PHF20L1: variants seen among roughly 807,000 people sequenced by gnomAD.
PHF20L1 encodes the protein PHD finger protein 20 like 1.
Under a neutral mutation model 125.5 loss-of-function variants are expected in PHF20L1, and 44 were observed. The observed-to-expected ratio is 0.35, with a 90% confidence interval of 0.28 to 0.45. PHF20L1 has a LOEUF of 0.45. Ranked by LOEUF, PHF20L1 falls within the 20% of genes least tolerant of loss-of-function variation. The pLI is 1.00. For missense variants in PHF20L1, 1,012 were observed against 1,217.2 expected, an observed-to-expected ratio of 0.83 and a Z score of 2.51; for synonymous variants, 380 against 403.1, an observed-to-expected ratio of 0.94 and a Z score of 0.69.
Position 132,805,387 on chromosome 8 carries a change from G to T in PHF20L1, c.847+647G>T, listed in dbSNP as rs184837340. ...GCCTGGTTCGTGTTCATGGAAGAGG[G>T]GATTGAAGGATTAGAATTGGGGCCA... On this transcript the variant is annotated intron_variant, in intron 8 of 20. Coordinates refer to ENST00000395386, the MANE Select transcript of PHF20L1 (RefSeq NM_016018.5). 1.3e-3 allele frequency among the ~76,000 whole-genome samples: 199 copies of T among 151,938 alleles called. 1 individual carries two copies. Among genetic ancestry groups the T allele is most frequent in the Admixed American group, 0.012 (185 of 15,204 alleles).
intron 12 of PHF20L1, among the ~76,000 whole-genome samples, chr8:132,821,703 T>C (rs1248401724): frequency 6.6e-6 from 1 of 151,884 alleles, no homozygotes; most frequent in Non-Finnish European, 1.5e-5. Flanking sequence ...GCTTGAGAAA[T>C]CACTCTACAT....
chr8:132,818,518 T>C (rs1835222205), intron 12 of PHF20L1: 1 of 152,062 alleles, frequency 6.6e-6, no homozygotes, highest in African/African-American at 2.4e-5. Flanking sequence ...AAGAGACATA[T>C]ACTTATTTTT....
At chr8:132,804,330 G>GT (rs200014476) in intron 7 of PHF20L1, among the ~76,000 whole-genome samples, 2,840 of 151,622 alleles carry the variant, frequency 0.019, 88 homozygotes, top group African/African-American at 0.066. Flanking sequence ...TTTGTTTTGT[G>GT]TTTTTTCTTC....
intron 12 of PHF20L1, among the ~76,000 whole-genome samples, chr8:132,822,378 C>T (rs1835702748): frequency 6.6e-6 from 1 of 152,022 alleles, no homozygotes; most frequent in Non-Finnish European, 1.5e-5. Context: ...CTCCCTGTCC[C>T]CACTCCAGGA....
intron 2 of PHF20L1, among the ~76,000 whole-genome samples, chr8:132,787,838 A>G (rs1448683600): frequency 1.3e-5 from 2 of 152,116 alleles, no homozygotes; most frequent in African/African-American, 4.8e-5. Flanking sequence ...ACTAGGATAC[A>G]AGAATATTTT....
At position 132,846,187 on chromosome 8, in the gene PHF20L1, C is replaced by G. The variant is rs1380198829; in HGVS notation, c.*264C>G. ...ACAATGAAGTAGAATATAATGTATA[C>G]TAAGGGATTTCAAGTTCTCAGAATT... On this transcript the variant is annotated 3_prime_UTR_variant, in exon 21 of 21. Coordinates refer to ENST00000395386, the MANE Select transcript of PHF20L1 (RefSeq NM_016018.5). 3.6e-6 allele frequency: 1 copy of G among 278,792 alleles called. No homozygotes were observed. Among genetic ancestry groups the G allele is most frequent in the Non-Finnish European group, 6.7e-6 (1 of 148,588 alleles). The allele number at this position is 278,792 out of a possible 1,614,324, so 17.3% of individuals were successfully genotyped here.
chr8:132,782,734 G>GT (rs1488091392), intron 2 of PHF20L1, among the ~76,000 whole-genome samples: 1 of 151,688 alleles, frequency 6.6e-6, no homozygotes, highest in Admixed American at 6.6e-5. Context: ...GACTACAGGC[G>GT]TATGCCATAG....
rs372546592 is a variant in PHF20L1, at chr8:132,847,352, TAAG to T, written c.*1431_*1433del. ...TTTTTTAAAAGGGGAGAAAGACTGT[TAAG>T]AGGAGGCTATTTGATGACATAACAC... On this transcript the variant is annotated 3_prime_UTR_variant, in exon 21 of 21. Transcript: ENST00000395386. The T allele has an allele frequency of 5.2e-4, 80 of 152,696 alleles. 1 individual carries two copies. In the East Asian group the frequency reaches 0.011, roughly 21 times the overall value. 9.5% of individuals were successfully genotyped at this position (152,696 alleles called of 1,614,324 possible).
chr8:132,847,157 A>G lies in PHF20L1; in HGVS notation c.*1234A>G, dbSNP rs1034868890. 2 of 152,620 alleles carry G rather than the reference A, an allele frequency of 1.3e-5. No homozygotes were observed. The highest frequency in any genetic ancestry group is 2.9e-5 in the Non-Finnish European group (2 of 68,018). 9.5% of individuals were successfully genotyped at this position (152,620 alleles called of 1,614,324 possible). On this transcript the variant is annotated 3_prime_UTR_variant, in exon 21 of 21. Coordinates refer to ENST00000395386, the MANE Select transcript of PHF20L1 (RefSeq NM_016018.5). The stretch of plus-strand genomic sequence containing the variant: ...CATACGCAGGTATGCGTAAGTGTGT[A>G]TGCTTGTTTTAAACAAACACTCAAC...
chr8:132,836,317 A>G, intron 15 of PHF20L1: 1 of 364,090 alleles, frequency 2.7e-6, no homozygotes, highest in Non-Finnish European at 4.9e-6. Flanking sequence ...AGTTACTTAT[A>G]ATAGTGTATA....
At chr8:132,826,021 C>T (rs1354297162) in intron 14 of PHF20L1, among the ~76,000 whole-genome samples, 1 of 152,018 alleles carries the variant, frequency 6.6e-6, no homozygotes, top group African/African-American at 2.4e-5. Context: ...AACACAACTC[C>T]AAATTTATTT....
In PHF20L1 at chr8:132,804,676, C is replaced by G; in HGVS notation, c.783C>G (p.Asn261Lys). 1 of 1,608,624 alleles carries G rather than the reference C, an allele frequency of 6.2e-7. No homozygotes were observed. Among genetic ancestry groups the G allele is most frequent in the South Asian group, 1.1e-5 (1 of 90,850 alleles). ...VFPQPESTLS[N>K]KRKNNQGNSF... ...CACAGCCAGAGAGCACATTATCAAA[C>G]AAGAGGAAAAATAATCAAGGCAACT... Residue 261 changes from asparagine (N) to lysine (K), a missense_variant, in exon 8 of 21, where the codon AAC becomes AAG. Coordinates refer to ENST00000395386, the MANE Select transcript of PHF20L1 (RefSeq NM_016018.5).
chr8:132,781,203 A>T (rs538526879), intron 2 of PHF20L1, among the ~76,000 whole-genome samples: 3 of 152,196 alleles, frequency 2.0e-5, no homozygotes, highest in South Asian at 4.1e-4. Context: ...TAAATTTAGT[A>T]GGTGGAAATA....
chr8:132,816,104 A>G (rs1328006149), intron 10 of PHF20L1: 1 of 151,912 alleles, frequency 6.6e-6, no homozygotes, highest in African/African-American at 2.4e-5. Context: ...ACATGAATAT[A>G]TTGGCATATA....
chr8:132,793,240 C>T (rs74938267), intron 2 of PHF20L1, among the ~76,000 whole-genome samples: 3,003 of 152,152 alleles, frequency 0.02, 97 homozygotes, highest in African/African-American at 0.068. Flanking sequence ...GAATGCTTGA[C>T]ACAGAGCAAC....
At chr8:132,836,048 A>G (rs1264721083) in intron 15 of PHF20L1, among the ~76,000 whole-genome samples, 6 of 151,968 alleles carry the variant, frequency 3.9e-5, no homozygotes. Context: ...TCCAAAAAAG[A>G]AAGAAGAAAA....
chr8:132,834,709 A>G (rs1300548519), intron 15 of PHF20L1, among the ~76,000 whole-genome samples: 1 of 152,090 alleles, frequency 6.6e-6, no homozygotes, highest in Non-Finnish European at 1.5e-5. Flanking sequence ...GAGAAAGCCC[A>G]AAAGAAAATT....
chr8:132,796,112 C>G (rs921813968), intron 4 of PHF20L1, among the ~76,000 whole-genome samples: 2 of 152,090 alleles, frequency 1.3e-5, no homozygotes, highest in Non-Finnish European at 2.9e-5. Context: ...TTCCTTTAAA[C>G]TGAGTCTTGA....
chr8:132,844,006 T>A, intron 19 of PHF20L1, 150 bp from the exon 20 acceptor site: 2 of 1,412,134 alleles, frequency 1.4e-6, no homozygotes, highest in Non-Finnish European at 1.8e-6. Flanking sequence ...GGAATTTGGT[T>A]ATGTAGCAGT....
Sources: allele counts gnomAD v4.1 joint callset (sites outside exome capture counted in the v4.1 genomes callset), GRCh38; gene constraint gnomAD v4.1.1; transcripts MANE v1.5; gene names NCBI Gene and HGNC (gene_info 2026-07-23, HGNC 2026-07-21).